C8orf34: variants seen among roughly 807,000 people sequenced by gnomAD.
C8orf34 encodes chromosome 8 open reading frame 34.
C8orf34 carries 65 observed loss-of-function variants against 68.3 expected under a neutral mutation model. That is an observed-to-expected ratio of 0.95 (90% confidence interval 0.78 to 1.17). The LOEUF (loss-of-function observed/expected upper bound fraction) is 1.17, where lower values mean the gene tolerates loss of function less well. Ranked by LOEUF, C8orf34 falls within the 50% of genes most tolerant of loss-of-function variation. C8orf34 has a pLI of 0.00. For synonymous variants in C8orf34, 244 were observed against 241.2 expected, an observed-to-expected ratio of 1.01 and a Z score of -0.11; for missense variants, 664 against 655.4, an observed-to-expected ratio of 1.01 and a Z score of -0.14.
chr8:68,755,445 G>T (rs923434116), intron 10 of C8orf34, among the ~76,000 whole-genome samples: 1 of 152,180 alleles, frequency 6.6e-6, no homozygotes, highest in African/African-American at 2.4e-5. Context: ...TCATGACTAT[G>T]CTATGTTCTT....
intron 7 of C8orf34, among the ~76,000 whole-genome samples, chr8:68,555,987 T>C (rs1031180224): frequency 2.6e-5 from 4 of 152,180 alleles, no homozygotes; most frequent in Admixed American, 2.6e-4. Context: ...CTAGCACTTT[T>C]GTATTTGAAA....
At chr8:68,786,363 T>TGCAA (rs1019389287) in intron 11 of C8orf34, among the ~76,000 whole-genome samples, 1 of 152,184 alleles carries the variant, frequency 6.6e-6, no homozygotes, top group Admixed American at 6.5e-5. Flanking sequence ...CCCTATCTTG[T>TGCAA]GCAAGGGATA....
At chr8:68,814,185 G>C (rs908275577) in intron 12 of C8orf34, among the ~76,000 whole-genome samples, 12 of 152,144 alleles carry the variant, frequency 7.9e-5, no homozygotes, top group African/African-American at 2.9e-4. Flanking sequence ...TCTCAAACAA[G>C]CAGTATCAGC....
At chr8:68,345,345 T>C (rs1806235872) in intron 1 of C8orf34, among the ~76,000 whole-genome samples, 1 of 151,934 alleles carries the variant, frequency 6.6e-6, no homozygotes, top group African/African-American at 2.4e-5. Flanking sequence ...ATATTTATTA[T>C]ATATAAGTAC....
At chr8:68,480,623 T>A (rs570174509) in intron 4 of C8orf34, among the ~76,000 whole-genome samples, 30 of 152,226 alleles carry the variant, frequency 2.0e-4, no homozygotes, top group African/African-American at 7.0e-4. Flanking sequence ...AACAATAAGG[T>A]CCAGACCGAG....
intron 3 of C8orf34, among the ~76,000 whole-genome samples, chr8:68,460,100 T>C (rs2129628716): frequency 6.6e-6 from 1 of 152,276 alleles, no homozygotes; most frequent in East Asian, 1.9e-4. Flanking sequence ...TACTGTGCTT[T>C]TCCGACAAGC....
At chr8:68,401,459 A>G (rs1365495093) in intron 1 of C8orf34, among the ~76,000 whole-genome samples, 1 of 152,070 alleles carries the variant, frequency 6.6e-6, no homozygotes, top group Non-Finnish European at 1.5e-5. Context: ...ATTCTAATTC[A>G]TAGAGAGAAT....
chr8:68,453,669 G>T (rs1296363191), intron 3 of C8orf34, among the ~76,000 whole-genome samples: 1 of 151,840 alleles, frequency 6.6e-6, no homozygotes, highest in African/African-American at 2.4e-5. Context: ...ACACTTTATT[G>T]TGAATTCTTT....
At chr8:68,812,846 G>T (rs1410393005) in intron 12 of C8orf34, among the ~76,000 whole-genome samples, 3 of 152,096 alleles carry the variant, frequency 2.0e-5, no homozygotes, top group African/African-American at 7.2e-5. Flanking sequence ...ATTCAGGGAG[G>T]TCATAACCTC....
intron 9 of C8orf34, among the ~76,000 whole-genome samples, chr8:68,718,443 G>A (rs1172309507): frequency 6.6e-6 from 1 of 152,068 alleles, no homozygotes; most frequent in African/African-American, 2.4e-5. Flanking sequence ...TATACTTTAA[G>A]CTCCTTTCTT....
intron 7 of C8orf34, among the ~76,000 whole-genome samples, chr8:68,556,396 G>T (rs1816256025): frequency 2.6e-5 from 4 of 151,012 alleles, no homozygotes. Flanking sequence ...TGAATTTTAG[G>T]ATGAAATTAT....
chr8:68,558,729 T>G (rs1034979488), intron 7 of C8orf34, among the ~76,000 whole-genome samples: 1 of 152,112 alleles, frequency 6.6e-6, no homozygotes, highest in Admixed American at 6.6e-5. Flanking sequence ...AGGATATCAG[T>G]GCTAGTGGAG....
chr8:68,484,907 C>T (rs1813010218), intron 4 of C8orf34, among the ~76,000 whole-genome samples: 1 of 152,136 alleles, frequency 6.6e-6, no homozygotes, highest in African/African-American at 2.4e-5. Flanking sequence ...CAGGCAAAGT[C>T]ATCAAAATAT....
rs1306896535 is a variant in C8orf34 at position 68,628,139 on chromosome 8, G to A, written c.1106-12237G>A. Among the ~76,000 whole-genome samples the A allele has an allele frequency of 2.6e-5, 4 of 152,044 alleles. No individual in the cohort carries two copies. In the East Asian group the frequency reaches 5.8e-4, roughly 22 times the overall value. On this transcript the variant is annotated intron_variant, in intron 7 of 13. Transcript: ENST00000518698. ...TCAACGCAGCACTTAAATTCCACCA[G>A]ACCCTCTTTTTCCAAATGCAATTCT... is the stretch of plus-strand genomic sequence containing the variant.
At chr8:68,808,747 G>C (rs1370303284) in intron 12 of C8orf34, among the ~76,000 whole-genome samples, 2 of 151,952 alleles carry the variant, frequency 1.3e-5, no homozygotes, top group Non-Finnish European at 2.9e-5. Context: ...TTTTATAAGG[G>C]ACTTGGATTT....
intron 10 of C8orf34, among the ~76,000 whole-genome samples, chr8:68,749,943 C>T (rs774851103): frequency 1.4e-4 from 21 of 152,044 alleles, no homozygotes; most frequent in Non-Finnish European, 2.9e-4. Context: ...GATTTTTATG[C>T]AAATCTTTCT....
intron 1 of C8orf34, among the ~76,000 whole-genome samples, chr8:68,416,740 A>C (rs142956678): frequency 1.1e-3 from 165 of 152,088 alleles, no homozygotes; most frequent in African/African-American, 3.7e-3. Context: ...CATGTTGGCC[A>C]GGCTTGTCTC....
intron 1 of C8orf34, among the ~76,000 whole-genome samples, chr8:68,372,324 T>C (rs1050853788): frequency 6.6e-6 from 1 of 152,156 alleles, no homozygotes. Flanking sequence ...AGGAAGCAGC[T>C]ACCCCTAAAG....
intron 7 of C8orf34, among the ~76,000 whole-genome samples, chr8:68,610,856 C>CTTTTGTT (rs200334268): frequency 9.6e-6 from 1 of 104,488 alleles, no homozygotes; most frequent in African/African-American, 5.5e-5. Flanking sequence ...TACAGTGAAT[C>CTTTTGTT]TTTGGTTTTT....
Sources: allele counts gnomAD v4.1 joint callset (sites outside exome capture counted in the v4.1 genomes callset), GRCh38; gene constraint gnomAD v4.1.1; transcripts MANE v1.5; gene names NCBI Gene and HGNC (gene_info 2026-07-23, HGNC 2026-07-21).